TENM2: variants seen among roughly 807,000 people sequenced by gnomAD.
The protein encoded by TENM2 is teneurin-2.
TENM2 carries 52 observed loss-of-function variants against 245.2 expected under a neutral mutation model. The ratio of observed to expected loss-of-function variants is 0.21; its 90% confidence interval spans 0.17 to 0.27. The LOEUF is 0.27. Among genes scored for constraint, TENM2 ranks in the 10% least tolerant of loss-of-function variants. The pLI is 1.00. For missense variants in TENM2, 3,046 were observed against 3,666.8 expected, an observed-to-expected ratio of 0.83 and a Z score of 4.37; for synonymous variants, 1,363 against 1,438.9, an observed-to-expected ratio of 0.95 and a Z score of 1.19.
the TENM2 span, among the ~76,000 whole-genome samples, chr5:166,983,703 G>A: frequency 2.0e-5 from 3 of 152,064 alleles, no homozygotes; most frequent in African/African-American, 7.2e-5. Context: ...AGATGCTAAA[G>A]AACCACCTCT....
At chr5:167,445,614 C>T (rs1582068624) in intron 2 of TENM2, among the ~76,000 whole-genome samples, 1 of 152,232 alleles carries the variant, frequency 6.6e-6, no homozygotes, top group Middle Eastern at 3.4e-3. Context: ...CAATATCAGT[C>T]TCACCTATGA....
intron 2 of TENM2, among the ~76,000 whole-genome samples, chr5:167,738,122 C>T (rs1760927919): frequency 6.6e-6 from 1 of 152,258 alleles, no homozygotes; most frequent in Non-Finnish European, 1.5e-5. Flanking sequence ...GGTTCTGGCA[C>T]TCCAGCAAAT....
intron 12 of TENM2, among the ~76,000 whole-genome samples, chr5:168,159,399 T>G (rs971991282): frequency 6.6e-6 from 1 of 152,304 alleles, no homozygotes; most frequent in East Asian, 1.9e-4. Flanking sequence ...TATAGGAGAC[T>G]TCTTGGGTGC....
chr5:167,669,475 G>A (rs948280695), intron 2 of TENM2, among the ~76,000 whole-genome samples: 9 of 152,194 alleles, frequency 5.9e-5, no homozygotes, highest in Non-Finnish European at 1.0e-4. Flanking sequence ...GATGGAGGAA[G>A]CGTAAAGAAA....
chr5:168,179,214 T>C (rs1273822337), intron 13 of TENM2, among the ~76,000 whole-genome samples: 2 of 150,726 alleles, frequency 1.3e-5, no homozygotes, highest in Non-Finnish European at 3.0e-5. Context: ...CATCATTTAC[T>C]AGCACTGTGA....
intron 7 of TENM2, among the ~76,000 whole-genome samples, chr5:168,065,949 A>C (rs1441080104): frequency 2.0e-5 from 3 of 152,000 alleles, no homozygotes; most frequent in Non-Finnish European, 4.4e-5. Context: ...ACATTTTACA[A>C]CGCCTGGAAA....
chr5:168,006,751 T>C (rs530496041), intron 5 of TENM2, among the ~76,000 whole-genome samples: 1 of 152,306 alleles, frequency 6.6e-6, no homozygotes, highest in East Asian at 1.9e-4. Flanking sequence ...CCAGTAATAG[T>C]AAAACAGTGA....
intron 2 of TENM2, among the ~76,000 whole-genome samples, chr5:167,470,231 C>A (rs989440423): frequency 6.6e-6 from 1 of 151,980 alleles, no homozygotes; most frequent in South Asian, 2.1e-4. Flanking sequence ...GATGATGACC[C>A]AGACATAAAT....
chr5:167,886,996 T>C (rs1333633853), intron 3 of TENM2, among the ~76,000 whole-genome samples: 18 of 152,168 alleles, frequency 1.2e-4, no homozygotes, highest in Non-Finnish European at 1.5e-5. Flanking sequence ...TTTAGCTCTT[T>C]TTCCCAACAC....
At chr5:167,415,696 A>G (rs561025493) in intron 2 of TENM2, among the ~76,000 whole-genome samples, 16 of 152,114 alleles carry the variant, frequency 1.1e-4, no homozygotes, top group Non-Finnish European at 1.9e-4. Flanking sequence ...GATTTTGAAA[A>G]AATTCTATGG....
At chr5:167,130,265 C>A in the TENM2 span, among the ~76,000 whole-genome samples, 8 of 152,084 alleles carry the variant, frequency 5.3e-5, no homozygotes, top group South Asian at 2.1e-4. Context: ...TGAGTGTTTG[C>A]GCTTTGATAA....
chr5:167,754,069 T>C (rs1762127639), intron 2 of TENM2, among the ~76,000 whole-genome samples: 1 of 152,172 alleles, frequency 6.6e-6, no homozygotes. Context: ...CACTATGACA[T>C]TCCCTTAAAA....
intron 2 of TENM2, among the ~76,000 whole-genome samples, chr5:167,500,010 GTGTA>G (rs1424111889): frequency 6.7e-6 from 1 of 149,188 alleles, no homozygotes; most frequent in African/African-American, 2.5e-5. Context: ...GTATGTGTGT[GTGTA>G]TGTGTATGTG....
chr5:167,751,539 AAGAG>A (rs1408769345), intron 2 of TENM2, among the ~76,000 whole-genome samples: 2 of 152,124 alleles, frequency 1.3e-5, no homozygotes, highest in Non-Finnish European at 2.9e-5. Flanking sequence ...TAAAGTGAGA[AAGAG>A]AGAGGTCACT....
intron 2 of TENM2, among the ~76,000 whole-genome samples, chr5:167,723,589 C>A (rs1286466458): frequency 6.6e-6 from 1 of 152,176 alleles, no homozygotes; most frequent in Non-Finnish European, 1.5e-5. Context: ...TCTCTGACCT[C>A]CTCTTCTGCC....
the TENM2 span, among the ~76,000 whole-genome samples, chr5:167,085,850 C>T: frequency 1.3e-5 from 2 of 152,122 alleles, no homozygotes; most frequent in South Asian, 2.1e-4. Context: ...GCCTACAGGT[C>T]GAAGTTTTAA....
intron 3 of TENM2, among the ~76,000 whole-genome samples, chr5:167,947,416 G>T (rs1308396980): frequency 6.6e-6 from 1 of 152,112 alleles, no homozygotes; most frequent in Non-Finnish European, 1.5e-5. Context: ...CATTTTACAA[G>T]TGAACGACTC....
In TENM2 at chr5:167,349,566, TTTC is replaced by T. The variant is rs148923647; in HGVS notation, c.227-25629_227-25627del. ...ATATATAGATACATAGTAATTCTCT[TTTC>T]TTATTTCTCAATTATCTTATTGTAA... On this transcript the variant is annotated intron_variant, in intron 1 of 28. Coordinates refer to ENST00000518659, the Ensembl canonical transcript of TENM2. 4.0e-4 allele frequency among the ~76,000 whole-genome samples: 61 copies of T among 152,152 alleles called. No homozygotes were observed. The East Asian group carries it at 0.012, about 29-fold the overall frequency.
rs200426880 is a variant in TENM2 at position 167,557,130 on chromosome 5, A to G, written c.502+181657A>G. Among the ~76,000 whole-genome samples the G allele has an allele frequency of 1.4e-4, 22 of 152,334 alleles. No homozygotes were observed. In the East Asian group the frequency reaches 3.1e-3, roughly 21 times the overall value. ...GTGTGCGTGTACACAGACCATTGGC[A>G]TGTGAAAATTTAATTATGGATGATC... On this transcript the variant is annotated intron_variant, in intron 2 of 28. Coordinates refer to ENST00000518659, the Ensembl canonical transcript of TENM2.
Sources: allele counts gnomAD v4.1 joint callset (sites outside exome capture counted in the v4.1 genomes callset), GRCh38; gene constraint gnomAD v4.1.1; transcripts MANE v1.5; gene names NCBI Gene and HGNC (gene_info 2026-07-23, HGNC 2026-07-21).